The following RAB28 variants were observed in gnomAD, a reference collection of about 807,000 sequenced individuals.
RAB28 encodes RAB28, member RAS oncogene family.
A neutral mutation model predicts 31.7 loss-of-function variants in RAB28; 24 were observed. That is an observed-to-expected ratio of 0.76 (90% CI 0.55 to 1.06). The LOEUF is 1.06. Among genes scored for constraint, RAB28 ranks in the 50% least tolerant of loss-of-function variants. The pLI, the probability that RAB28 is intolerant of heterozygous loss-of-function variation, is 0.00. For synonymous variants in RAB28, 100 were observed against 90.4 expected (o/e 1.11, Z -0.60); for missense variants, 254 against 258.5 (o/e 0.98, Z 0.12).
intron 3 of RAB28, among the ~76,000 whole-genome samples, chr4:13,469,363 A>T (rs1041635866): frequency 1.3e-5 from 2 of 151,904 alleles, no homozygotes; most frequent in Non-Finnish European, 2.9e-5. Context: ...TCATCCCCAT[A>T]CCATCCTTTC....
In RAB28 at chr4:13,425,969, T is replaced by C. The variant is rs148714580; in HGVS notation, c.391+34730A>G. Among the ~76,000 whole-genome samples, 50 of 152,268 alleles carry C rather than the reference T, an allele frequency of 3.3e-4. No homozygotes were observed. The East Asian group carries it at 9.6e-3, about 29-fold the overall frequency. On this transcript the variant is annotated intron_variant, in intron 4 of 6. Transcript: ENST00000330852. ...TCCTGCTCAACACCTGCTTGTTTTA[T>C]AGCAGTGAAATATAAAAGAAAAAGA...
At chr4:13,451,014 C>G (rs988793604) in intron 4 of RAB28, among the ~76,000 whole-genome samples, 2 of 151,648 alleles carry the variant, frequency 1.3e-5, no homozygotes, top group Non-Finnish European at 1.5e-5. Context: ...GTAATCCAAC[C>G]AAAGAGTTTT....
chr4:13,484,146 G>C lies in RAB28; in HGVS notation c.5C>G (p.Ser2Trp), dbSNP rs763948475. M[S>W]DSEEESQDRQ... ...GTCCTGGCTCTCCTCCTCAGAGTCC[G>C]ACATGGTGTCCCGGGAACCAGGCCC... Residue 2 changes from serine (S) to tryptophan (W), a missense_variant, in exon 1 of 7, where the codon TCG (serine) becomes TGG (tryptophan). Coordinates refer to ENST00000330852, the MANE Select transcript of RAB28 (RefSeq NM_001017979.3). The C allele has an allele frequency of 8.2e-6, 13 of 1,586,786 alleles. No homozygotes were observed. Among genetic ancestry groups the C allele is most frequent in the African/African-American group, 1.3e-5 (1 of 74,272 alleles).
chr4:13,448,507 T>C (rs572202468), intron 4 of RAB28, among the ~76,000 whole-genome samples: 40 of 152,174 alleles, frequency 2.6e-4, no homozygotes, highest in African/African-American at 8.9e-4. Flanking sequence ...ATTACAGTAC[T>C]GTCAAAATGG....
At chr4:13,459,629 A>G in intron 4 of RAB28, 1 of 456,214 alleles carries the variant, frequency 2.2e-6, no homozygotes, top group Non-Finnish European at 2.9e-6. Flanking sequence ...AAAATTACTA[A>G]CAAACCCATA....
chr4:13,399,478 T>C (rs1033813991), intron 4 of RAB28, among the ~76,000 whole-genome samples: 3 of 152,226 alleles, frequency 2.0e-5, no homozygotes, highest in Non-Finnish European at 2.9e-5. Flanking sequence ...TGCTGAATCA[T>C]ACTCTATGAA....
intron 4 of RAB28, among the ~76,000 whole-genome samples, chr4:13,428,677 G>A (rs566301443): frequency 5.9e-5 from 9 of 152,226 alleles, no homozygotes; most frequent in African/African-American, 1.7e-4. Context: ...AAAACTGTGG[G>A]AGAGCACCAA....
chr4:13,372,243 C>A (rs967105002), intron 6 of RAB28, among the ~76,000 whole-genome samples: 8 of 152,150 alleles, frequency 5.3e-5, no homozygotes, highest in African/African-American at 1.9e-4. Context: ...TTCTGACTGG[C>A]ATACATTCAA....
At chr4:13,434,560 A>G (rs77258582) in intron 4 of RAB28, among the ~76,000 whole-genome samples, 8,537 of 152,288 alleles carry the variant, frequency 0.056, 548 homozygotes, top group African/African-American at 0.16. Context: ...GACTCTTGGC[A>G]TAGTCTATAG....
intron 6 of RAB28, chr4:13,369,835 C>T (rs1303481645): frequency 4.5e-6 from 7 of 1,566,846 alleles, no homozygotes; most frequent in Non-Finnish European, 5.2e-6. Context: ...TCTCCCTTCC[C>T]ACCTCCCCAA....
At chr4:13,469,443 C>A (rs1013407434) in intron 3 of RAB28, among the ~76,000 whole-genome samples, 1 of 151,976 alleles carries the variant, frequency 6.6e-6, no homozygotes, top group African/African-American at 2.4e-5. Context: ...CTTTGGAAAT[C>A]AGATTTCAAG....
chr4:13,484,290 C>T lies in RAB28; in HGVS notation c.-140G>A. On this transcript the variant is annotated 5_prime_UTR_variant, in exon 1 of 7. Transcript: ENST00000330852. Reference sequence around the variant, plus strand: ...TGTCTCCGCGCCGGCAGGAGGTATTCGAGGAGAATCACTCGGCAAGCGCCA... The same window carrying T: ...TGTCTCCGCGCCGGCAGGAGGTATTTGAGGAGAATCACTCGGCAAGCGCCA... The T allele has an allele frequency of 1.5e-6, 1 of 663,294 alleles. No homozygotes were observed. The highest frequency in any genetic ancestry group is 2.7e-6 in the Non-Finnish European group (1 of 363,898). The allele number at this position is 663,294 out of a possible 1,614,324, so 41.1% of individuals were successfully genotyped here.
At chr4:13,454,946 G>A (rs1715216602) in intron 4 of RAB28, among the ~76,000 whole-genome samples, 1 of 152,176 alleles carries the variant, frequency 6.6e-6, no homozygotes, top group Non-Finnish European at 1.5e-5. Context: ...CTGCTCAGCT[G>A]GCCTAGGGGC....
intron 4 of RAB28, among the ~76,000 whole-genome samples, chr4:13,454,425 G>A (rs1012379315): frequency 1.3e-5 from 2 of 152,098 alleles, no homozygotes; most frequent in African/African-American, 4.8e-5. Flanking sequence ...GTGTCCGTAT[G>A]TTGATTTCTA....
chr4:13,448,318 A>T (rs1714796731), intron 4 of RAB28, among the ~76,000 whole-genome samples: 1 of 152,132 alleles, frequency 6.6e-6, no homozygotes, highest in African/African-American at 2.4e-5. Flanking sequence ...GATTCATCCT[A>T]AAAGAAAACA....
At chr4:13,438,316 C>T (rs974170256) in intron 4 of RAB28, among the ~76,000 whole-genome samples, 7 of 152,194 alleles carry the variant, frequency 4.6e-5, no homozygotes, top group South Asian at 2.1e-4. Flanking sequence ...CATTTTAAAG[C>T]GTACAGTTTT....
chr4:13,417,962 G>T (rs537611279), intron 4 of RAB28, among the ~76,000 whole-genome samples: 6 of 152,184 alleles, frequency 3.9e-5, no homozygotes, highest in Non-Finnish European at 5.9e-5. Flanking sequence ...TGAGCTAAAG[G>T]AGGATGTTCG....
At chr4:13,404,413 T>G (rs1328645620) in intron 4 of RAB28, among the ~76,000 whole-genome samples, 5 of 152,136 alleles carry the variant, frequency 3.3e-5, no homozygotes, top group Admixed American at 2.6e-4. Context: ...ATAATGGATC[T>G]ACTTAAGGAA....
At chr4:13,380,318 C>T (rs114359258) in intron 5 of RAB28, among the ~76,000 whole-genome samples, 2,587 of 152,080 alleles carry the variant, frequency 0.017, 80 homozygotes, top group African/African-American at 0.059. Flanking sequence ...TCTTAAACCA[C>T]AGAAAAATTT....
Sources: gnomAD v4.1 joint callset for allele counts (sites outside exome capture counted in the v4.1 genomes callset) on GRCh38, gnomAD v4.1.1 for gene constraint, MANE v1.5 for transcripts, NCBI Gene and HGNC (gene_info 2026-07-23, HGNC 2026-07-21) for gene names.